LIMCH1: variants seen among roughly 807,000 people sequenced by gnomAD.
LIMCH1 encodes the protein LIM and calponin homology domains 1.
LIMCH1 carries 113 observed loss-of-function variants against 176.5 expected under a neutral mutation model. The observed-to-expected ratio is 0.64, with a 90% CI of 0.55 to 0.75. LIMCH1 has a LOEUF of 0.75. Among genes scored for constraint, LIMCH1 ranks in the 30% least tolerant of loss-of-function variants. The pLI, the probability that LIMCH1 is intolerant of heterozygous loss-of-function variation, is 0.00. For missense variants in LIMCH1, 1,674 were observed against 1,814.9 expected, an observed-to-expected ratio of 0.92 and a Z score of 1.41; for synonymous variants, 619 against 645.9, an observed-to-expected ratio of 0.96 and a Z score of 0.63.
chr4:41,644,534 G>C lies in LIMCH1; in HGVS notation c.2161G>C (p.Glu721Gln). 6.3e-7 allele frequency: 1 copy of C among 1,595,160 alleles called. No individual in the cohort carries two copies. Among genetic ancestry groups the C allele is most frequent in the South Asian group, 1.1e-5 (1 of 87,684 alleles). The change falls in exon 15 of 32, where the codon GAG (glutamate) becomes CAG (glutamine). Residue 721 changes from glutamate (E) to glutamine (Q), a missense_variant. Coordinates refer to ENST00000503057, the MANE Select transcript of LIMCH1 (RefSeq NM_001330672.2). ...CATGTTTGACATGCGGTGTGAGGAG[G>C]AGGCCGCGGTGCAGCCGCACAGCAG... ...TSMFDMRCEE[E>Q]AAVQPHSRAR...
At chr4:41,414,800 G>T (rs897783208) in intron 1 of LIMCH1, among the ~76,000 whole-genome samples, 35 of 152,198 alleles carry the variant, frequency 2.3e-4, no homozygotes, top group African/African-American at 8.2e-4. Flanking sequence ...AATATATAAA[G>T]AATAAAATTA....
At chr4:41,588,067 T>C (rs2086797568) in intron 1 of LIMCH1, among the ~76,000 whole-genome samples, 1 of 152,098 alleles carries the variant, frequency 6.6e-6, no homozygotes, top group Non-Finnish European at 1.5e-5. Flanking sequence ...GTATATCTCC[T>C]AATGCTATCC....
At chr4:41,600,170 A>G (rs1275769715) in intron 2 of LIMCH1, among the ~76,000 whole-genome samples, 3 of 152,198 alleles carry the variant, frequency 2.0e-5, no homozygotes, top group South Asian at 2.1e-4. Flanking sequence ...GCCATTCTTT[A>G]AAACTTCTCT....
intron 1 of LIMCH1, among the ~76,000 whole-genome samples, chr4:41,407,035 A>G (rs950385017): frequency 1.3e-5 from 2 of 152,152 alleles, no homozygotes; most frequent in African/African-American, 4.8e-5. Flanking sequence ...AGGATCTAAT[A>G]TGTCAATCCA....
At position 41,631,368 on chromosome 4, in the gene LIMCH1, G is replaced by A; in HGVS notation, c.1492G>A (p.Glu498Lys). 6.5e-7 allele frequency: 1 copy of A among 1,536,268 alleles called. No individual in the cohort carries two copies. The highest frequency in any genetic ancestry group is 8.7e-7 in the Non-Finnish European group (1 of 1,146,938). Residue 498 changes from glutamate to lysine, a missense_variant, in exon 10 of 32, where the codon GAA becomes AAA. Coordinates refer to ENST00000503057, the MANE Select transcript of LIMCH1 (RefSeq NM_001330672.2). ...GGCTGGGCCTAGAGAGGATGAAGAA[G>A]AAGTCATCTGTCATGGCAGCAAGAT... ...GKAGPREDEE[E>K]VICHGSKIQM...
chr4:41,498,029 G>A (rs569244699), intron 2 of LIMCH1, among the ~76,000 whole-genome samples: 1 of 152,244 alleles, frequency 6.6e-6, no homozygotes, highest in South Asian at 2.1e-4. Context: ...AGGACTGCAT[G>A]TGGTTGGTGG....
At chr4:41,620,182 C>A in intron 6 of LIMCH1, 1 of 449,390 alleles carries the variant, frequency 2.2e-6, no homozygotes, top group Non-Finnish European at 3.9e-6. Context: ...TTTACCTTTC[C>A]AGCAGAAAAG....
intron 1 of LIMCH1, among the ~76,000 whole-genome samples, chr4:41,455,883 C>A (rs1201814128): frequency 6.6e-6 from 1 of 152,162 alleles, no homozygotes; most frequent in African/African-American, 2.4e-5. Context: ...AATGGTGGTA[C>A]CTTCTGACTT....
intron 7 of LIMCH1, among the ~76,000 whole-genome samples, chr4:41,621,265 A>G (rs1310579577): frequency 2.0e-5 from 3 of 152,214 alleles, no homozygotes; most frequent in African/African-American, 4.8e-5. Context: ...TAACAAAGGT[A>G]CTAGTATCCA....
chr4:41,621,414 A>AAAT (rs1440943253), intron 7 of LIMCH1, among the ~76,000 whole-genome samples: 1 of 152,228 alleles, frequency 6.6e-6, no homozygotes, highest in African/African-American at 2.4e-5. Flanking sequence ...TGATCCTAAC[A>AAAT]AATAATAGTG....
At position 41,582,110 on chromosome 4, in the gene LIMCH1, T is replaced by C. The variant is rs1255919367; in HGVS notation, c.-240-16810T>C. 2.0e-5 allele frequency among the ~76,000 whole-genome samples: 3 copies of C among 152,340 alleles called. No homozygotes were observed. The East Asian group carries it at 5.8e-4, about 29-fold the overall frequency. On this transcript the variant is annotated intron_variant, in intron 1 of 31. Coordinates refer to ENST00000503057, the MANE Select transcript of LIMCH1 (RefSeq NM_001330672.2). Reference sequence around the variant, plus strand: ...TTCCAACTGAATTTAAAAAAATACTTGCTTAAAATGTGTAGTGTGCTAGCC... The same window carrying C: ...TTCCAACTGAATTTAAAAAAATACTCGCTTAAAATGTGTAGTGTGCTAGCC...
At chr4:41,428,141 A>T (rs1266117060) in intron 1 of LIMCH1, among the ~76,000 whole-genome samples, 5 of 152,150 alleles carry the variant, frequency 3.3e-5, no homozygotes, top group Non-Finnish European at 7.3e-5. Context: ...CGACTTTCTC[A>T]TCTTTTGGAG....
chr4:41,610,535 G>A (rs1045308963), intron 4 of LIMCH1, among the ~76,000 whole-genome samples: 1 of 152,202 alleles, frequency 6.6e-6, no homozygotes, highest in African/African-American at 2.4e-5. Flanking sequence ...AGAATAAATT[G>A]TAGTAATTAT....
At chr4:41,534,091 C>T (rs1482915740), upstream of LIMCH1, among the ~76,000 whole-genome samples, 2 of 151,664 alleles carry the variant, frequency 1.3e-5, no homozygotes, top group East Asian at 1.9e-4. Context: ...CTGAGGTGGC[C>T]GTATAGAAAG....
At chr4:41,439,353 A>G (rs2062451531) in intron 1 of LIMCH1, among the ~76,000 whole-genome samples, 2 of 152,338 alleles carry the variant, frequency 1.3e-5, no homozygotes, top group East Asian at 3.9e-4. Context: ...TGGAAGGCCA[A>G]GGTGCATGGA....
chr4:41,644,637 G>A lies in LIMCH1; in HGVS notation c.2253+11G>A. ...GACAAATGGCAAGATGTGAGTTGTG[G>A]CCAAGGCGCGCGGGCAGCGGGGAGG... On this transcript the variant is annotated intron_variant, in intron 15 of 31. Coordinates refer to ENST00000503057, the MANE Select transcript of LIMCH1 (RefSeq NM_001330672.2). The A allele has an allele frequency of 1.3e-6, 2 of 1,599,410 alleles. No homozygotes were observed. The highest frequency in any genetic ancestry group is 1.7e-6 in the Non-Finnish European group (2 of 1,171,568).
At chr4:41,379,817 G>A (rs2154102495) in intron 1 of LIMCH1, among the ~76,000 whole-genome samples, 1 of 151,360 alleles carries the variant, frequency 6.6e-6, no homozygotes, top group Middle Eastern at 3.4e-3. Flanking sequence ...TTATTTTTTT[G>A]AGACAGAGTC....
chr4:41,533,413 T>C (rs1227110978), upstream of LIMCH1, among the ~76,000 whole-genome samples: 2 of 152,226 alleles, frequency 1.3e-5, no homozygotes, highest in African/African-American at 2.4e-5. Context: ...TATCCGTCTA[T>C]TGAGCAGCCA....
chr4:41,363,886 A>G (rs1269830543), intron 1 of LIMCH1, among the ~76,000 whole-genome samples: 1 of 152,202 alleles, frequency 6.6e-6, no homozygotes, highest in Non-Finnish European at 1.5e-5. Context: ...AGCAAACTTG[A>G]AGTAGTAACT....
Sources: allele counts gnomAD v4.1 joint callset (sites outside exome capture counted in the v4.1 genomes callset), GRCh38; gene constraint gnomAD v4.1.1; transcripts MANE v1.5; gene names NCBI Gene and HGNC (gene_info 2026-07-23, HGNC 2026-07-21).